ABHD2: variants seen among roughly 807,000 people sequenced by gnomAD.
ABHD2 encodes abhydrolase domain containing 2, acylglycerol lipase.
Under a neutral mutation model 48.1 loss-of-function variants are expected in ABHD2, and 20 were observed. That is an observed-to-expected ratio of 0.42 (90% CI 0.29 to 0.60). The LOEUF (loss-of-function observed/expected upper bound fraction) is 0.60. Among genes scored for constraint, ABHD2 ranks in the 20% least tolerant of loss-of-function variants. ABHD2 has a pLI of 0.24. For missense variants in ABHD2, 405 were observed against 550.9 expected (o/e 0.74, Z 2.65); for synonymous variants, 209 against 214.2 (o/e 0.98, Z 0.21).
intron 1 of ABHD2, among the ~76,000 whole-genome samples, chr15:89,107,029 A>C (rs1175849148): frequency 1.3e-5 from 2 of 151,984 alleles, no homozygotes; most frequent in Non-Finnish European, 2.9e-5. Context: ...TGGGGGACAA[A>C]GTTTTATCTC....
At chr15:89,095,113 G>T (rs1449464597) in intron 1 of ABHD2, among the ~76,000 whole-genome samples, 1 of 146,908 alleles carries the variant, frequency 6.8e-6, no homozygotes, top group Non-Finnish European at 1.5e-5. Context: ...AATGTTGGAA[G>T]ATCAATATCT....
intron 3 of ABHD2, among the ~76,000 whole-genome samples, chr15:89,140,340 A>G (rs2050382013): frequency 6.6e-6 from 1 of 152,188 alleles, no homozygotes; most frequent in Admixed American, 6.5e-5. Context: ...CCAGGCAAAT[A>G]CTGGAGGTGG....
rs558988060 is a variant in ABHD2, at chr15:89,195,403, G to A, written c.1258G>A (p.Val420Met). Residue 420 changes from valine (V) to methionine (M), a missense_variant, in exon 11 of 11, where the codon GTG (valine) becomes ATG (methionine). Coordinates refer to ENST00000352732, the MANE Select transcript of ABHD2 (RefSeq NM_152924.5). The surrounding 1 kb of genome is among the most constrained non-coding windows in gnomAD (Gnocchi z 5.1). Reference sequence around the variant, plus strand: ...GTTGCAGTGCTCTGACACGGAGCAGGTGGAGGCCGACCTGGAGTGAGGCCT... The same window carrying A: ...GTTGCAGTGCTCTGACACGGAGCAGATGGAGGCCGACCTGGAGTGAGGCCT... ...NKLQCSDTEQVEADLE is the reference protein window; with the variant it reads ...NKLQCSDTEQMEADLE 1.9e-6 allele frequency: 3 copies of A among 1,613,920 alleles called. No homozygotes were observed. Among genetic ancestry groups the A allele is most frequent in the Non-Finnish European group, 2.5e-6 (3 of 1,179,986 alleles).
chr15:89,062,603 G>A, the ABHD2 span, among the ~76,000 whole-genome samples: 3 of 152,104 alleles, frequency 2.0e-5, no homozygotes, highest in South Asian at 2.1e-4. Flanking sequence ...GCCCAGGCTT[G>A]TCTTGAACTC....
Position 89,201,213 on chromosome 15 carries a change from G to C in ABHD2, c.*5790G>C. ...TTATCCGAATATGCTACCTTTCTGAGCCTTAAACCTTCATCTCTCAGGTGT... is the reference window on the plus strand; with the variant it reads ...TTATCCGAATATGCTACCTTTCTGACCCTTAAACCTTCATCTCTCAGGTGT... On this transcript the variant is annotated 3_prime_UTR_variant, in exon 11 of 11. Transcript: ENST00000352732. The C allele has an allele frequency of 6.8e-7, 1 of 1,475,024 alleles. No homozygotes were observed. Among genetic ancestry groups the C allele is most frequent in the Non-Finnish European group, 9.4e-7 (1 of 1,060,212 alleles). 91.4% of individuals were successfully genotyped at this position (1,475,024 alleles called of 1,614,324 possible). A position where few individuals can be genotyped will look rare whatever the true frequency, so the allele number is the denominator to read the frequency against.
chr15:89,101,116 G>A (rs1052337811), intron 1 of ABHD2, among the ~76,000 whole-genome samples: 2 of 152,048 alleles, frequency 1.3e-5, no homozygotes, highest in Non-Finnish European at 2.9e-5. Context: ...TTCTATTTGC[G>A]GGCCTTTCCT....
the ABHD2 span, among the ~76,000 whole-genome samples, chr15:89,042,703 G>C: frequency 6.6e-6 from 1 of 151,456 alleles, no homozygotes; most frequent in African/African-American, 2.4e-5. Context: ...CTGGAGTACA[G>C]TGGGGTGATC....
rs532627939 is a variant in ABHD2 at position 89,188,933 on chromosome 15, A to G, written c.926+630A>G. Among the ~76,000 whole-genome samples the G allele has an allele frequency of 2.0e-5, 3 of 152,118 alleles. No homozygotes were observed. The South Asian group carries it at 6.2e-4, about 32-fold the overall frequency. On this transcript the variant is annotated intron_variant, in intron 8 of 10. Coordinates refer to ENST00000352732, the MANE Select transcript of ABHD2 (RefSeq NM_152924.5). The surrounding 1 kb of genome is among the most constrained non-coding windows in gnomAD (Gnocchi z 4.1). ...AAACAGAAGATAGACCAAGAGGACT[A>G]TGTGTTTCAAGCAAAATGGACAGAG...
At chr15:89,098,431 G>A (rs551001360) in intron 1 of ABHD2, among the ~76,000 whole-genome samples, 1 of 152,174 alleles carries the variant, frequency 6.6e-6, no homozygotes, top group Non-Finnish European at 1.5e-5. Context: ...CTGTCCTGAG[G>A]AGTTTCCCTG....
At chr15:89,135,801 C>G (rs527499019) in intron 3 of ABHD2, 27 of 792,918 alleles carry the variant, frequency 3.4e-5, no homozygotes, top group Admixed American at 1.7e-4. Flanking sequence ...TTTGCAACAT[C>G]ATTAGTGGAC....
the ABHD2 span, among the ~76,000 whole-genome samples, chr15:89,048,277 C>T: frequency 3.9e-5 from 6 of 152,178 alleles, no homozygotes; most frequent in African/African-American, 1.4e-4. Flanking sequence ...CGCTGTTAGT[C>T]TGATGGGCTT....
chr15:89,041,191 C>T, the ABHD2 span: 18 of 152,248 alleles, frequency 1.2e-4, no homozygotes, highest in Admixed American at 1.1e-3. Context: ...GTGTGCCATT[C>T]TGGAACTGGA....
chr15:89,073,684 C>G, the ABHD2 span, among the ~76,000 whole-genome samples: 1 of 152,132 alleles, frequency 6.6e-6, no homozygotes, highest in Non-Finnish European at 1.5e-5. Context: ...CGAAGCATCT[C>G]GGGATCTTGC....
chr15:89,122,845 G>A (rs2050073238), intron 3 of ABHD2, among the ~76,000 whole-genome samples: 1 of 152,238 alleles, frequency 6.6e-6, no homozygotes, highest in Non-Finnish European at 1.5e-5. Context: ...AGCTAAAGAT[G>A]AAGGCATTTA....
At chr15:89,063,360 C>A in the ABHD2 span, among the ~76,000 whole-genome samples, 4 of 151,852 alleles carry the variant, frequency 2.6e-5, no homozygotes, top group Non-Finnish European at 5.9e-5. Flanking sequence ...TGCTCATAAC[C>A]AAAACTCCTA....
the ABHD2 span, among the ~76,000 whole-genome samples, chr15:89,041,924 A>G: frequency 1.3e-5 from 2 of 152,078 alleles, no homozygotes; most frequent in Admixed American, 6.6e-5. Context: ...GAGGTCAAAC[A>G]TCAGGGCAGG....
Position 89,168,763 on chromosome 15 carries a change from A to G in ABHD2, c.539-7049A>G, listed in dbSNP as rs1178398488. On this transcript the variant is annotated intron_variant, in intron 5 of 10. Coordinates refer to ENST00000352732, the MANE Select transcript of ABHD2 (RefSeq NM_152924.5). The surrounding 1 kb of genome is among the most constrained non-coding windows in gnomAD (Gnocchi z 4.8). ...AAATAATTAGTCTCAAACCTGAGTA[A>G]TGATAGATGGGTCTAAAAGGAATCA... 6.6e-6 allele frequency among the ~76,000 whole-genome samples: 1 copy of G among 152,222 alleles called. No homozygotes were observed. Among genetic ancestry groups the G allele is most frequent in the African/African-American group, 2.4e-5 (1 of 41,456 alleles).
At position 89,135,143 on chromosome 15, in the gene ABHD2, C is replaced by CTTTTCTTTTTTTTTTTT. The variant is rs1555429068; in HGVS notation, c.195-16530_195-16529insCTTTTTTTTTTTTTTTT. 4.5e-5 allele frequency among the ~76,000 whole-genome samples: 5 copies of CTTTTCTTTTTTTTTTTT among 112,170 alleles called. 1 individual carries two copies. Among genetic ancestry groups the CTTTTCTTTTTTTTTTTT allele is most frequent in the African/African-American group, 9.6e-5 (3 of 31,156 alleles). The allele number at this position is 112,170 out of a possible 152,430, so 73.6% of individuals were successfully genotyped here. On this transcript the variant is annotated intron_variant, in intron 3 of 10. Transcript: ENST00000352732. ...GTCAACAAAATGGCTACAACTTTTT[C>CTTTTCTTTTTTTTTTTT]TTTTTTTTTTTTTTTTTTGCAATTA...
the ABHD2 span, among the ~76,000 whole-genome samples, chr15:89,053,174 G>T: frequency 6.6e-6 from 1 of 151,870 alleles, no homozygotes; most frequent in Non-Finnish European, 1.5e-5. Flanking sequence ...CACTGTGTTC[G>T]CCAGGATGGT....
Sources: allele counts gnomAD v4.1 joint callset (sites outside exome capture counted in the v4.1 genomes callset), GRCh38; gene constraint gnomAD v4.1.1; non-coding constraint Gnocchi (gnomAD v3.1); transcripts MANE v1.5; gene names NCBI Gene and HGNC (gene_info 2026-07-23, HGNC 2026-07-21).